Variants in AKAP13 observed in about 807,000 individuals in gnomAD.
The protein encoded by AKAP13 is A-kinase anchoring protein 13.
Under a neutral mutation model 264.5 loss-of-function variants are expected in AKAP13, and 80 were observed. That is an observed-to-expected ratio of 0.30 (90% CI 0.25 to 0.36). The LOEUF is 0.36. AKAP13 is among the 10% of genes least tolerant of loss of function. The pLI, the probability that AKAP13 is intolerant of heterozygous loss-of-function variation, is 1.00. For synonymous variants in AKAP13, 1,380 were observed against 1,250.2 expected, an observed-to-expected ratio of 1.10 and a Z score of -2.19; for missense variants, 3,712 against 3,435.2, an observed-to-expected ratio of 1.08 and a Z score of -2.01.
intron 8 of AKAP13, among the ~76,000 whole-genome samples, chr15:85,634,016 T>C (rs1242442526): frequency 6.6e-6 from 1 of 152,170 alleles, no homozygotes. Flanking sequence ...GAAGATTCAG[T>C]TCCATTCAGG....
chr15:85,595,530 T>C (rs2079781236), intron 8 of AKAP13, among the ~76,000 whole-genome samples: 1 of 152,240 alleles, frequency 6.6e-6, no homozygotes, highest in South Asian at 2.1e-4. Flanking sequence ...AGACATGTTA[T>C]CAGATACCAT....
At chr15:85,568,904 G>A in intron 5 of AKAP13, among the ~76,000 whole-genome samples, 1 of 152,118 alleles carries the variant, frequency 6.6e-6, no homozygotes, top group African/African-American at 2.4e-5. Flanking sequence ...AAGGCCCTAG[G>A]GTAATTGCCC....
intron 8 of AKAP13, among the ~76,000 whole-genome samples, chr15:85,604,449 A>AGCT (rs938372790): frequency 2.6e-5 from 4 of 151,516 alleles, no homozygotes; most frequent in East Asian, 1.9e-4. Flanking sequence ...ACCAATCAAA[A>AGCT]GCTGCTGCTG....
chr15:85,461,033 C>T (rs1567068731), intron 1 of AKAP13, among the ~76,000 whole-genome samples: 1 of 151,922 alleles, frequency 6.6e-6, no homozygotes. Context: ...ATTGCATCTT[C>T]TCTGTCTTAT....
chr15:85,743,404 C>T, intron 35 of AKAP13, 88 bp from the exon 36 acceptor site: 2 of 1,417,330 alleles, frequency 1.4e-6, no homozygotes, highest in Non-Finnish European at 9.7e-7. Flanking sequence ...AGCCAGCACA[C>T]CCAGTTGAAT....
At chr15:85,658,861 T>A (rs2083215371) in intron 12 of AKAP13, among the ~76,000 whole-genome samples, 1 of 152,208 alleles carries the variant, frequency 6.6e-6, no homozygotes, top group South Asian at 2.1e-4. Flanking sequence ...CAGATGACTG[T>A]GAGAATAGGG....
intron 1 of AKAP13, among the ~76,000 whole-genome samples, chr15:85,409,868 T>G (rs145982944): frequency 1.3e-5 from 2 of 151,384 alleles, no homozygotes; most frequent in Non-Finnish European, 1.5e-5. Context: ...CCTGACCTCA[T>G]GATCCGTCCG....
chr15:85,636,904 C>T (rs1016471561), intron 8 of AKAP13, among the ~76,000 whole-genome samples: 4 of 152,212 alleles, frequency 2.6e-5, no homozygotes, highest in South Asian at 4.1e-4. Context: ...CATGAGCCGC[C>T]GCTCCCGGCC....
intron 1 of AKAP13, among the ~76,000 whole-genome samples, chr15:85,432,313 CTT>C (rs2073060371): frequency 6.6e-6 from 1 of 151,366 alleles, no homozygotes; most frequent in South Asian, 2.1e-4. Flanking sequence ...TTTGGATTAT[CTT>C]TTTACCCCAT....
In AKAP13 at chr15:85,581,195, T is replaced by C; in HGVS notation, c.3127T>C (p.Leu1043=). The C allele has an allele frequency of 6.2e-7, 1 of 1,613,814 alleles. No homozygotes were observed. Among genetic ancestry groups the C allele is most frequent in the East Asian group, 2.2e-5 (1 of 44,850 alleles). ...LGAEHNSSAL[L]PCLLPDGSDG... is the part of the protein sequence containing the mutation. ...GGCAGAGCACAACAGCTCCGCTCTG[T>C]TGCCATGTCTGTTGCCAGATGGGTC... is the stretch of plus-strand genomic sequence containing the variant. Residue 1043 remains leucine, a synonymous_variant, in exon 7 of 37, where the codon TTG becomes CTG. Coordinates refer to ENST00000394518, the MANE Select transcript of AKAP13 (RefSeq NM_007200.5).
At chr15:85,494,833 A>G (rs961038311) in intron 2 of AKAP13, among the ~76,000 whole-genome samples, 3 of 152,154 alleles carry the variant, frequency 2.0e-5, no homozygotes, top group Non-Finnish European at 4.4e-5. Flanking sequence ...GAGAAGTTAT[A>G]GTATAAGATT....
intron 9 of AKAP13, among the ~76,000 whole-genome samples, chr15:85,644,369 T>C (rs899634991): frequency 2.0e-5 from 3 of 151,654 alleles, no homozygotes; most frequent in Non-Finnish European, 2.9e-5. Context: ...GCCTCCCAAG[T>C]AGCTGGGATT....
Position 85,741,042 on chromosome 15 carries a change from C to A in AKAP13, c.7609-4C>A. On this transcript the variant is annotated splice_region_variant and splice_polypyrimidine_tract_variant and intron_variant, in intron 34 of 36. Coordinates refer to ENST00000394518, the MANE Select transcript of AKAP13 (RefSeq NM_007200.5). ...TGCAGGGCTCCCCTCTGTGTGCCTC[C>A]CAGGGTGTGGTGCTGCAGCAGGACA... 1 of 1,601,332 alleles carries A rather than the reference C, an allele frequency of 6.2e-7. No individual in the cohort carries two copies. The highest frequency in any genetic ancestry group is 1.1e-5 in the South Asian group (1 of 89,176).
At chr15:85,525,579 A>G (rs2077008405) in intron 3 of AKAP13, among the ~76,000 whole-genome samples, 1 of 152,226 alleles carries the variant, frequency 6.6e-6, no homozygotes, top group Admixed American at 6.5e-5. Context: ...CTTGAAACAT[A>G]GCTTGAGATG....
intron 17 of AKAP13, among the ~76,000 whole-genome samples, chr15:85,706,960 A>T (rs1182458309): frequency 6.6e-6 from 1 of 152,138 alleles, no homozygotes; most frequent in Non-Finnish European, 1.5e-5. Flanking sequence ...CCAGTCCCCC[A>T]CAAATCCATG....
At chr15:85,453,752 C>CCCCTTCCTCCGGAAGCTTTGTT (rs1345165030) in intron 1 of AKAP13, among the ~76,000 whole-genome samples, 11 of 152,012 alleles carry the variant, frequency 7.2e-5, no homozygotes, top group Non-Finnish European at 1.2e-4. Flanking sequence ...ATGGTAGCCA[C>CCCCTTCCTCCGGAAGCTTTGTT]CCCTTCCTCC....
chr15:85,655,446 C>G lies in AKAP13; in HGVS notation c.4404C>G (p.Ile1468Met). The change falls in exon 11 of 37, where the codon ATC becomes ATG. Residue 1468 changes from isoleucine to methionine, a missense_variant. Ile to Met is a conservative substitution (Grantham distance 10, BLOSUM62 1). Coordinates refer to ENST00000394518, the MANE Select transcript of AKAP13 (RefSeq NM_007200.5). ...KPEEEHLACD[I>M]TGSSSSTDDT... ...AGGAAGAGCATTTGGCCTGTGATAT[C>G]ACCGGATCCAGTTCATCCACCGATG... The G allele has an allele frequency of 6.2e-7, 1 of 1,614,058 alleles. No individual in the cohort carries two copies. The highest frequency in any genetic ancestry group is 8.5e-7 in the Non-Finnish European group (1 of 1,179,966).
At chr15:85,391,769 G>A (rs1190626443) in intron 1 of AKAP13, among the ~76,000 whole-genome samples, 2 of 151,320 alleles carry the variant, frequency 1.3e-5, no homozygotes, top group Non-Finnish European at 2.9e-5. Flanking sequence ...ATAGGTGTGA[G>A]CTATTGCACC....
chr15:85,676,615 G>A (rs1368318601), intron 14 of AKAP13, among the ~76,000 whole-genome samples: 2 of 152,106 alleles, frequency 1.3e-5, no homozygotes, highest in East Asian at 3.8e-4. Flanking sequence ...GTTAAGAGGT[G>A]GAGTGAATTA....
Sources: allele counts gnomAD v4.1 joint callset (sites outside exome capture counted in the v4.1 genomes callset), GRCh38; gene constraint gnomAD v4.1.1; transcripts MANE v1.5; gene names NCBI Gene and HGNC (gene_info 2026-07-23, HGNC 2026-07-21).